Variants in FANCL observed in about 807,000 individuals in gnomAD.
The protein encoded by FANCL is E3 ubiquitin-protein ligase FANCL.
FANCL carries 69 observed loss-of-function variants against 59.4 expected under a neutral mutation model. The ratio of observed to expected loss-of-function variants is 1.16; its 90% confidence interval spans 0.96 to 1.42. The LOEUF (loss-of-function observed/expected upper bound fraction) is 1.42. FANCL is among the 40% of genes most tolerant of loss of function. The pLI is 0.00. For synonymous variants in FANCL, 180 were observed against 147.1 expected, an observed-to-expected ratio of 1.22 and a Z score of -1.62; for missense variants, 519 against 447.2, an observed-to-expected ratio of 1.16 and a Z score of -1.45.
At chr2:58,214,256 T>C (rs1478261079) in intron 5 of FANCL, among the ~76,000 whole-genome samples, 2 of 152,192 alleles carry the variant, frequency 1.3e-5, no homozygotes, top group Non-Finnish European at 2.9e-5. Flanking sequence ...CTTTCATCTA[T>C]TATCGAAGTT....
At chr2:58,178,681 A>T (rs1293905922) in intron 7 of FANCL, among the ~76,000 whole-genome samples, 2 of 152,142 alleles carry the variant, frequency 1.3e-5, no homozygotes, top group Admixed American at 6.5e-5. Flanking sequence ...CAAGACAAGG[A>T]TGCTCTCTCT....
intron 7 of FANCL, among the ~76,000 whole-genome samples, chr2:58,186,148 G>A (rs909926834): frequency 6.6e-6 from 1 of 152,132 alleles, no homozygotes; most frequent in African/African-American, 2.4e-5. Flanking sequence ...TGCAGCCTTT[G>A]ATTTATAAAT....
intron 7 of FANCL, among the ~76,000 whole-genome samples, chr2:58,183,904 A>C (rs1055546954): frequency 2.6e-5 from 4 of 151,976 alleles, no homozygotes; most frequent in Non-Finnish European, 5.9e-5. Context: ...TGATGGTAAC[A>C]AGGTATTTGA....
Position 58,193,376 on chromosome 2 carries a change from CTCTT to C in FANCL, c.540+5214_540+5217del, listed in dbSNP as rs565055427. 3.1e-3 allele frequency among the ~76,000 whole-genome samples: 477 copies of C among 152,028 alleles called. 1 individual carries two copies. The highest frequency in any genetic ancestry group is 0.014 in the Middle Eastern group (4 of 292). The stretch of plus-strand genomic sequence containing the variant: ...TTAATTTTAGTTGCTTGTATTTTTC[CTCTT>C]TCTCTTCTTTTTTAGAATCAATATA... On this transcript the variant is annotated intron_variant, in intron 7 of 13. Transcript: ENST00000233741.
intron 6 of FANCL, among the ~76,000 whole-genome samples, chr2:58,200,255 C>T (rs1165841822): frequency 6.6e-6 from 1 of 151,994 alleles, no homozygotes; most frequent in Non-Finnish European, 1.5e-5. Flanking sequence ...TCGTGATTAT[C>T]TCAAAGTAAA....
chr2:58,200,921 ATGAG>A (rs1282497484), intron 6 of FANCL, among the ~76,000 whole-genome samples: 6 of 151,618 alleles, frequency 4.0e-5, no homozygotes, highest in Admixed American at 2.0e-4. Context: ...TCTGAGTTAA[ATGAG>A]TATTTGCAAT....
At chr2:58,217,351 G>C in intron 5 of FANCL, among the ~76,000 whole-genome samples, 1 of 150,222 alleles carries the variant, frequency 6.7e-6, no homozygotes, top group Non-Finnish European at 1.5e-5. Flanking sequence ...GCAAAGATGT[G>C]CTCCCTCTGG....
At position 58,159,671 on chromosome 2, in the gene FANCL, T is replaced by G. The variant is rs1684779456; in HGVS notation, c.*94A>C. The G allele has an allele frequency of 1.2e-6, 2 of 1,612,774 alleles. No homozygotes were observed. The highest frequency in any genetic ancestry group is 1.7e-6 in the Non-Finnish European group (2 of 1,179,500). On this transcript the variant is annotated 3_prime_UTR_variant, in exon 14 of 14. Transcript: ENST00000233741. Reference sequence around the variant, plus strand: ...ATACCTGTCCTTTTGATGTTAGTATTTCTTGCTTTATTTTTTCTCTGAAGA... The same window carrying G: ...ATACCTGTCCTTTTGATGTTAGTATGTCTTGCTTTATTTTTTCTCTGAAGA...
chr2:58,233,384 A>G (rs1339545810), intron 1 of FANCL, among the ~76,000 whole-genome samples: 1 of 152,192 alleles, frequency 6.6e-6, no homozygotes, highest in East Asian at 1.9e-4. Flanking sequence ...AAATGTCCAA[A>G]ATTAGCTTTT....
chr2:58,211,132 C>A (rs1304781684), intron 5 of FANCL, among the ~76,000 whole-genome samples: 2 of 152,206 alleles, frequency 1.3e-5, no homozygotes, highest in African/African-American at 4.8e-5. Context: ...AGAGGTTCTC[C>A]ATGAGGGCCC....
At chr2:58,191,990 G>C (rs1431980939) in intron 7 of FANCL, among the ~76,000 whole-genome samples, 1 of 151,838 alleles carries the variant, frequency 6.6e-6, no homozygotes, top group Admixed American at 6.6e-5. Context: ...ATTTGATCCA[G>C]ACTTTAAGAC....
At position 58,163,093 on chromosome 2, in the gene FANCL, A is replaced by G; in HGVS notation, c.776-19T>C. On this transcript the variant is annotated intron_variant, in intron 9 of 13. Transcript: ENST00000233741. ...TTTACCACTTCAGATTAAAAAAAAA[A>G]AATTTAATAATTGCATGCTCTACTC... 6.2e-7 allele frequency: 1 copy of G among 1,604,068 alleles called. No homozygotes were observed. Among genetic ancestry groups the G allele is most frequent in the African/African-American group, 1.3e-5 (1 of 74,774 alleles).
At chr2:58,235,294 G>C (rs1460965512) in intron 1 of FANCL, among the ~76,000 whole-genome samples, 2 of 152,034 alleles carry the variant, frequency 1.3e-5, no homozygotes, top group African/African-American at 2.4e-5. Flanking sequence ...GAACGTACAG[G>C]AACAGTCTGC....
intron 7 of FANCL, among the ~76,000 whole-genome samples, chr2:58,182,730 A>G (rs1371586258): frequency 6.6e-6 from 1 of 151,818 alleles, no homozygotes; most frequent in African/African-American, 2.4e-5. Flanking sequence ...CAAATATTAC[A>G]TAAATGAATG....
chr2:58,171,669 G>C (rs145149543), intron 7 of FANCL, among the ~76,000 whole-genome samples: 2,768 of 152,286 alleles, frequency 0.018, 90 homozygotes, highest in African/African-American at 0.062. Context: ...CAGCTCCCAG[G>C]GTGAGCGACG....
At chr2:58,206,941 A>G (rs916041474) in intron 5 of FANCL, among the ~76,000 whole-genome samples, 6 of 152,260 alleles carry the variant, frequency 3.9e-5, no homozygotes, top group Middle Eastern at 6.8e-3. Context: ...TTGATTGTCA[A>G]TTGCCCTCTA....
intron 7 of FANCL, among the ~76,000 whole-genome samples, chr2:58,192,558 T>G (rs567776752): frequency 6.6e-6 from 1 of 151,972 alleles, no homozygotes; most frequent in Non-Finnish European, 1.5e-5. Flanking sequence ...ATTACTTATA[T>G]CTACATAGGA....
rs374448630 is a variant in FANCL, at chr2:58,214,563, C to A, written c.374+7379G>T. 4.6e-5 allele frequency among the ~76,000 whole-genome samples: 7 copies of A among 152,254 alleles called. No homozygotes were observed. In the South Asian group the frequency reaches 6.2e-4, roughly 14 times the overall value. ...TCTCACTGTCACCTAGACTGAAGTG[C>A]AGTGGTGTGATCTCAGCTCCCTGCA... On this transcript the variant is annotated intron_variant, in intron 5 of 13. Transcript: ENST00000233741.
At chr2:58,174,472 G>C (rs1187109351) in intron 7 of FANCL, among the ~76,000 whole-genome samples, 2 of 152,102 alleles carry the variant, frequency 1.3e-5, no homozygotes, top group Non-Finnish European at 2.9e-5. Context: ...CTAGAACTCA[G>C]GATTAAGAAA....
Sources: allele counts gnomAD v4.1 joint callset (sites outside exome capture counted in the v4.1 genomes callset), GRCh38; gene constraint gnomAD v4.1.1; transcripts MANE v1.5; gene names NCBI Gene and HGNC (gene_info 2026-07-23, HGNC 2026-07-21).